The following LRRTM4 variants were observed in gnomAD, a reference collection of about 807,000 sequenced individuals.
The protein encoded by LRRTM4 is leucine-rich repeat transmembrane neuronal protein 4.
A neutral mutation model predicts 47.6 loss-of-function variants in LRRTM4; 25 were observed. The observed-to-expected ratio is 0.53, with a 90% CI of 0.38 to 0.73. LRRTM4 has a LOEUF of 0.73. LRRTM4 is among the 30% of genes least tolerant of loss of function. The probability of loss-of-function intolerance (pLI) is 0.00; values close to 1 mark genes in which losing one functional copy is unlikely to be tolerated. For synonymous variants in LRRTM4, 311 were observed against 269.5 expected (o/e 1.15, Z -1.51); for missense variants, 638 against 713.4 (o/e 0.89, Z 1.20).
intron 3 of LRRTM4, among the ~76,000 whole-genome samples, chr2:77,331,960 AC>A (rs1437368534): frequency 6.6e-6 from 1 of 152,178 alleles, no homozygotes; most frequent in Non-Finnish European, 1.5e-5. Context: ...ATACTGAAGA[AC>A]TTATAGAACA....
rs537086938 is a variant in LRRTM4 at position 77,358,748 on chromosome 2, C to A, written c.1551+159570G>T. Among the ~76,000 whole-genome samples the A allele has an allele frequency of 1.2e-3, 185 of 152,216 alleles. 1 individual carries two copies. Among genetic ancestry groups the A allele is most frequent in the African/African-American group, 4.2e-3 (176 of 41,540 alleles). ...CCCCATTACCTTATGGCTTCGGTAACAGATATTTTAAAACTTTGAAATTGT... is the reference window on the plus strand; with the variant it reads ...CCCCATTACCTTATGGCTTCGGTAAAAGATATTTTAAAACTTTGAAATTGT... On this transcript the variant is annotated intron_variant, in intron 3 of 3. Transcript: ENST00000409884.
At chr2:77,233,686 G>C (rs543050386) in intron 3 of LRRTM4, among the ~76,000 whole-genome samples, 57 of 152,274 alleles carry the variant, frequency 3.7e-4, no homozygotes, top group Middle Eastern at 3.4e-3. Flanking sequence ...TCTATTTAAA[G>C]TGTATTTTTG....
intron 3 of LRRTM4, among the ~76,000 whole-genome samples, chr2:77,431,074 G>A (rs1347829146): frequency 6.7e-6 from 1 of 148,820 alleles, no homozygotes; most frequent in Non-Finnish European, 1.5e-5. Context: ...CTAGGACTGA[G>A]AGTCGCAACA....
chr2:77,441,379 G>A (rs72921933), intron 3 of LRRTM4, among the ~76,000 whole-genome samples: 7,123 of 152,236 alleles, frequency 0.047, 516 homozygotes, highest in African/African-American at 0.16. Flanking sequence ...GATGCTTACT[G>A]TTTTCCAGGT....
chr2:76,774,827 G>C (rs1673892581), intron 3 of LRRTM4, among the ~76,000 whole-genome samples: 1 of 152,190 alleles, frequency 6.6e-6, no homozygotes, highest in Non-Finnish European at 1.5e-5. Flanking sequence ...GTAAGTTTCA[G>C]TACTTGTATC....
chr2:77,132,079 C>A (rs1671817243), intron 3 of LRRTM4, among the ~76,000 whole-genome samples: 1 of 152,122 alleles, frequency 6.6e-6, no homozygotes, highest in African/African-American at 2.4e-5. Flanking sequence ...GCTCTGCTAT[C>A]AAAAATTAGA....
intron 3 of LRRTM4, among the ~76,000 whole-genome samples, chr2:76,800,135 G>A (rs867255395): frequency 0.12 from 17,370 of 146,918 alleles, 1,298 homozygotes; most frequent in Admixed American, 0.2. Flanking sequence ...AAAAGAGCCC[G>A]CATCGCCAAG....
chr2:77,477,864 A>T (rs1677470574), intron 3 of LRRTM4, among the ~76,000 whole-genome samples: 1 of 144,736 alleles, frequency 6.9e-6, no homozygotes. Flanking sequence ...AAAGAAAGAG[A>T]GAGAGAAAGA....
At chr2:77,306,204 T>C (rs1248725752) in intron 3 of LRRTM4, among the ~76,000 whole-genome samples, 2 of 152,192 alleles carry the variant, frequency 1.3e-5, no homozygotes, top group Admixed American at 6.5e-5. Context: ...AAATCAAAGG[T>C]ATATTTTTAA....
chr2:77,095,949 T>C (rs1402234300), intron 3 of LRRTM4, among the ~76,000 whole-genome samples: 1 of 152,172 alleles, frequency 6.6e-6, no homozygotes, highest in Non-Finnish European at 1.5e-5. Flanking sequence ...TTATTAATCT[T>C]TTTGACTGCA....
At chr2:76,876,674 A>G (rs1258791658) in intron 3 of LRRTM4, among the ~76,000 whole-genome samples, 1 of 152,014 alleles carries the variant, frequency 6.6e-6, no homozygotes, top group African/African-American at 2.4e-5. Flanking sequence ...TACTTTCTTT[A>G]TAAATGACAG....
intron 3 of LRRTM4, among the ~76,000 whole-genome samples, chr2:77,269,806 T>C (rs1676145129): frequency 6.6e-6 from 1 of 152,188 alleles, no homozygotes; most frequent in South Asian, 2.1e-4. Flanking sequence ...AAAAAGCAAA[T>C]AATAAAAGAG....
chr2:77,242,121 G>A (rs1366663702), intron 3 of LRRTM4, among the ~76,000 whole-genome samples: 1 of 151,880 alleles, frequency 6.6e-6, no homozygotes, highest in Non-Finnish European at 1.5e-5. Flanking sequence ...GGTTATTTGG[G>A]GTTGCTTCAG....
intron 3 of LRRTM4, among the ~76,000 whole-genome samples, chr2:77,256,353 T>C (rs56811262): frequency 0.047 from 7,152 of 152,194 alleles, 559 homozygotes; most frequent in African/African-American, 0.16. Context: ...GAAGAATTAA[T>C]GATTTTAAAC....
intron 3 of LRRTM4, among the ~76,000 whole-genome samples, chr2:76,775,062 A>T (rs1448986807): frequency 6.6e-6 from 1 of 152,172 alleles, no homozygotes; most frequent in Non-Finnish European, 1.5e-5. Flanking sequence ...ACATATCTTG[A>T]AACCCTCCCC....
In LRRTM4 at chr2:77,090,878, C is replaced by A. The variant is rs377206617; in HGVS notation, c.1552-341962G>T. On this transcript the variant is annotated intron_variant, in intron 3 of 3. Coordinates refer to ENST00000409884, the MANE Select transcript of LRRTM4 (RefSeq NM_001134745.3). Reference sequence around the variant, plus strand: ...CCGATTGCCTCGGCAGCCCCCTAGACCATCACGGACGCCGAGCTTCAGGTA... The same window carrying A: ...CCGATTGCCTCGGCAGCCCCCTAGAACATCACGGACGCCGAGCTTCAGGTA... Among the ~76,000 whole-genome samples, 6 of 152,140 alleles carry A rather than the reference C, an allele frequency of 3.9e-5. No individual in the cohort carries two copies. The South Asian group carries it at 1.2e-3, about 32-fold the overall frequency.
At chr2:76,975,103 C>A (rs1394041292) in intron 3 of LRRTM4, among the ~76,000 whole-genome samples, 4 of 151,490 alleles carry the variant, frequency 2.6e-5, no homozygotes, top group Non-Finnish European at 4.4e-5. Context: ...AACAAAAAGC[C>A]CTAATTGGTG....
chr2:76,981,446 C>T (rs1437612850), intron 3 of LRRTM4, among the ~76,000 whole-genome samples: 1 of 152,058 alleles, frequency 6.6e-6, no homozygotes, highest in Non-Finnish European at 1.5e-5. Context: ...AAATCTATTT[C>T]AGTTGTAGAA....
At chr2:77,365,096 G>GA (rs139244019) in intron 3 of LRRTM4, among the ~76,000 whole-genome samples, 16,774 of 151,878 alleles carry the variant, frequency 0.11, 1,307 homozygotes, top group Non-Finnish European at 0.17. Context: ...ATCTTTAAAG[G>GA]AAAAAATAAT....
Sources: allele counts gnomAD v4.1 joint callset (sites outside exome capture counted in the v4.1 genomes callset), GRCh38; gene constraint gnomAD v4.1.1; transcripts MANE v1.5; gene names NCBI Gene and HGNC (gene_info 2026-07-23, HGNC 2026-07-21).